ASCC3: variants seen among roughly 807,000 people sequenced by gnomAD.
ASCC3 encodes the protein ASC-1 complex subunit P200.
ASCC3 carries 158 observed loss-of-function variants against 256.3 expected under a neutral mutation model. That is an observed-to-expected ratio of 0.62 (90% confidence interval 0.54 to 0.70). ASCC3 has a LOEUF of 0.70. Ranked by LOEUF, ASCC3 falls within the 30% of genes least tolerant of loss-of-function variation. The pLI is 0.00. For missense variants in ASCC3, 2,259 were observed against 2,626.0 expected (o/e 0.86, Z 3.05); for synonymous variants, 948 against 883.4 (o/e 1.07, Z -1.30).
At chr6:100,660,123 T>C (rs911969007) in intron 16 of ASCC3, among the ~76,000 whole-genome samples, 1 of 151,616 alleles carries the variant, frequency 6.6e-6, no homozygotes, top group Non-Finnish European at 1.5e-5. Flanking sequence ...ATGCTATATA[T>C]TAATATAGGG....
rs1773632434 is a variant in ASCC3, at chr6:100,509,117, C to T, written c.*269G>A. 4 of 435,406 alleles carry T rather than the reference C, an allele frequency of 9.2e-6. No homozygotes were observed. Among genetic ancestry groups the T allele is most frequent in the Non-Finnish European group, 1.7e-5 (4 of 235,644 alleles). 27.0% of individuals were successfully genotyped at this position (435,406 alleles called of 1,614,324 possible). A position where few individuals can be genotyped will look rare whatever the true frequency, so the allele number is the denominator to read the frequency against. ...GCTCCTAAATATCATCCCAAATATACACAAATTAAAAGATTATTCTAAATG... is the reference window on the plus strand; with the variant it reads ...GCTCCTAAATATCATCCCAAATATATACAAATTAAAAGATTATTCTAAATG... On this transcript the variant is annotated 3_prime_UTR_variant, in exon 42 of 42. Coordinates refer to ENST00000369162, the MANE Select transcript of ASCC3 (RefSeq NM_006828.4).
intron 3 of ASCC3, among the ~76,000 whole-genome samples, chr6:100,852,903 A>T (rs1412582332): frequency 6.6e-6 from 1 of 152,144 alleles, no homozygotes; most frequent in African/African-American, 2.4e-5. Context: ...ACTTTTATTA[A>T]GAAGAAATAC....
intron 8 of ASCC3, among the ~76,000 whole-genome samples, chr6:100,792,105 A>G (rs1769376466): frequency 6.6e-6 from 1 of 151,926 alleles, no homozygotes; most frequent in South Asian, 2.1e-4. Flanking sequence ...AGAAGTATTC[A>G]AAGTGATAGA....
At chr6:100,840,524 T>C (rs72947091) in intron 4 of ASCC3, among the ~76,000 whole-genome samples, 26,879 of 145,060 alleles carry the variant, frequency 0.19, 2,858 homozygotes, top group African/African-American at 0.24. Flanking sequence ...TAAGAGTCTT[T>C]ATTGCAATGT....
Position 100,642,438 on chromosome 6 carries a change from T to A in ASCC3, c.3901+143A>T, listed in dbSNP as rs555742923. On this transcript the variant is annotated intron_variant, in intron 24 of 41. Transcript: ENST00000369162. ...CAGAGAGAACAGATTAAATGATGAA[T>A]GACAAATGAAATAAAAAGGGAGTTA... 3.5e-6 allele frequency: 3 copies of A among 861,578 alleles called. No individual in the cohort carries two copies. The Admixed American group carries it at 6.6e-5, about 19-fold the overall frequency. The allele number at this position is 861,578 out of a possible 1,614,324, so 53.4% of individuals were successfully genotyped here.
chr6:100,540,915 A>G (rs1179091009), intron 36 of ASCC3, among the ~76,000 whole-genome samples: 1 of 152,154 alleles, frequency 6.6e-6, no homozygotes, highest in Non-Finnish European at 1.5e-5. Flanking sequence ...AAAAGGGTAA[A>G]GAGCAGAATT....
intron 36 of ASCC3, among the ~76,000 whole-genome samples, chr6:100,580,099 G>A (rs1163624530): frequency 6.6e-6 from 1 of 152,018 alleles, no homozygotes; most frequent in Non-Finnish European, 1.5e-5. Flanking sequence ...TTGTGAATGG[G>A]ATTGCATTCT....
Position 100,864,103 on chromosome 6 carries a change from C to A in ASCC3, c.202G>T (p.Glu68Ter). The change falls in exon 3 of 42, where the codon GAA becomes TAA. Residue 68 changes from glutamate (E) to a stop codon, truncating the protein, a stop_gained. Coordinates refer to ENST00000369162, the MANE Select transcript of ASCC3 (RefSeq NM_006828.4). LOFTEE classifies it high-confidence loss of function. ...GCATGTAATATATCTTTTAAGTCTT[C>A]ATTTATACTTTGCATTTTACTCTTC... ...LEKSKMQSINEDLKDILHAAK... is the reference protein window; with the variant it reads ...LEKSKMQSIN 1 of 1,597,186 alleles carries A rather than the reference C, an allele frequency of 6.3e-7. No individual in the cohort carries two copies. Among genetic ancestry groups the A allele is most frequent in the Non-Finnish European group, 8.6e-7 (1 of 1,168,596 alleles).
chr6:100,793,716 T>C (rs901153282), intron 8 of ASCC3, among the ~76,000 whole-genome samples: 2 of 151,750 alleles, frequency 1.3e-5, no homozygotes, highest in Admixed American at 6.6e-5. Flanking sequence ...ACCTGGCAAT[T>C]TGAATCATGT....
chr6:100,818,137 A>T (rs919380676), intron 4 of ASCC3, among the ~76,000 whole-genome samples: 5 of 152,232 alleles, frequency 3.3e-5, no homozygotes, highest in African/African-American at 1.2e-4. Context: ...AATAGAATTT[A>T]AAAAACAAAT....
chr6:100,566,741 T>C (rs1158929731), intron 36 of ASCC3, among the ~76,000 whole-genome samples: 1 of 152,162 alleles, frequency 6.6e-6, no homozygotes, highest in Non-Finnish European at 1.5e-5. Flanking sequence ...ATCATTTCCA[T>C]GAGCATATAA....
chr6:100,840,276 T>C (rs929302788), intron 4 of ASCC3, among the ~76,000 whole-genome samples: 4 of 152,174 alleles, frequency 2.6e-5, no homozygotes, highest in Non-Finnish European at 2.9e-5. Flanking sequence ...TTTTTAGTGA[T>C]AGGAGTACAT....
intron 13 of ASCC3, among the ~76,000 whole-genome samples, chr6:100,714,140 A>G (rs999108829): frequency 6.6e-6 from 1 of 152,186 alleles, no homozygotes; most frequent in Non-Finnish European, 1.5e-5. Context: ...TATTGTCCAT[A>G]GCCGCTTTCA....
intron 14 of ASCC3, among the ~76,000 whole-genome samples, chr6:100,673,687 G>C (rs1004436879): frequency 6.6e-6 from 1 of 152,162 alleles, no homozygotes; most frequent in Non-Finnish European, 1.5e-5. Context: ...CCACAACAAT[G>C]TCCCTTGATT....
chr6:100,640,407 A>T (rs1358147866), intron 24 of ASCC3, among the ~76,000 whole-genome samples: 1 of 152,120 alleles, frequency 6.6e-6, no homozygotes, highest in Non-Finnish European at 1.5e-5. Context: ...ATCAACTGAG[A>T]TGTTATGGTG....
intron 10 of ASCC3, among the ~76,000 whole-genome samples, chr6:100,729,707 T>C (rs17054273): frequency 0.049 from 7,415 of 152,278 alleles, 208 homozygotes; most frequent in African/African-American, 0.062. Context: ...AACAGTTTGT[T>C]ACTTTGAAGC....
rs1774164107 is a variant in ASCC3, at chr6:100,625,180, T to C, written c.4785+12A>G. ...AACGTGTAAGTAGTAGAAGATAAAA[T>C]ATGTTGCTTACCTCTCTTTCATCCA... On this transcript the variant is annotated intron_variant, in intron 30 of 41. Coordinates refer to ENST00000369162, the MANE Select transcript of ASCC3 (RefSeq NM_006828.4). 6 of 1,612,050 alleles carry C rather than the reference T, an allele frequency of 3.7e-6. No individual in the cohort carries two copies. The African/African-American group carries it at 4.0e-5, about 11-fold the overall frequency.
chr6:100,604,140 T>C (rs1772765768), intron 33 of ASCC3, among the ~76,000 whole-genome samples: 1 of 152,168 alleles, frequency 6.6e-6, no homozygotes, highest in African/African-American at 2.4e-5. Flanking sequence ...TTTCTATCTT[T>C]TTGTGTCAGT....
intron 37 of ASCC3, among the ~76,000 whole-genome samples, chr6:100,519,084 C>T (rs1213513628): frequency 2.0e-5 from 3 of 152,014 alleles, no homozygotes; most frequent in Non-Finnish European, 2.9e-5. Flanking sequence ...TTAAGGCATA[C>T]TATGTTGTAA....
Sources: gnomAD v4.1 joint callset for allele counts (sites outside exome capture counted in the v4.1 genomes callset) on GRCh38, gnomAD v4.1.1 for gene constraint, MANE v1.5 for transcripts, NCBI Gene and HGNC (gene_info 2026-07-23, HGNC 2026-07-21) for gene names.